Variants in RYR2 observed in about 807,000 individuals in gnomAD.
RYR2 encodes ryanodine receptor 2.
Under a neutral mutation model 601.1 loss-of-function variants are expected in RYR2, and 227 were observed. The observed-to-expected ratio is 0.38, with a 90% CI of 0.34 to 0.42. RYR2 has a LOEUF of 0.42. Ranked by LOEUF, RYR2 falls within the 10% of genes least tolerant of loss-of-function variation. The pLI is 1.00. For missense variants in RYR2, 4,646 were observed against 6,156.5 expected (o/e 0.75, Z 8.21); for synonymous variants, 2,223 against 2,175.1 (o/e 1.02, Z -0.61).
chr1:237,595,439 A>G, intron 33 of RYR2, 59 bp from the exon 34 acceptor site: 1 of 1,585,488 alleles, frequency 6.3e-7, no homozygotes, highest in South Asian at 1.2e-5. Context: ...TGCAAGATAT[A>G]CCTGCTTTCT....
intron 1 of RYR2, among the ~76,000 whole-genome samples, chr1:237,235,733 T>G (rs576332529): frequency 6.6e-6 from 1 of 152,330 alleles, no homozygotes; most frequent in East Asian, 1.9e-4. Context: ...GATAGATGCC[T>G]TCTCTTCATC....
intron 1 of RYR2, among the ~76,000 whole-genome samples, chr1:237,047,531 C>T (rs1458773430): frequency 6.6e-6 from 1 of 151,958 alleles, no homozygotes. Flanking sequence ...GTGGTCTTCT[C>T]CCACTGCTTG....
At chr1:237,286,003 T>G (rs1691520595) in intron 2 of RYR2, among the ~76,000 whole-genome samples, 1 of 152,190 alleles carries the variant, frequency 6.6e-6, no homozygotes. Context: ...TTGTATTTCT[T>G]TTCTTTCAAT....
chr1:237,655,834 A>G lies in RYR2; in HGVS notation c.7979A>G (p.Glu2660Gly). The change falls in exon 53 of 105, where the codon GAA (glutamate) becomes GGA (glycine). Residue 2660 changes from glutamate to glycine, a missense_variant. Physicochemically the swap from Glu to Gly is moderately conservative, Grantham distance 98. Transcript: ENST00000366574. ...DALSQKKYEQ[E>G]LFKLALPCLS... ...CATTTTTCCCAGAAATATGAACAAG[A>G]ACTTTTCAAACTGGCACTGCCTTGC... 6.3e-7 allele frequency: 1 copy of G among 1,596,904 alleles called. No homozygotes were observed. The highest frequency in any genetic ancestry group is 8.5e-7 in the Non-Finnish European group (1 of 1,172,308).
intron 1 of RYR2, among the ~76,000 whole-genome samples, chr1:237,223,581 C>T (rs2149151399): frequency 6.6e-6 from 1 of 152,214 alleles, no homozygotes; most frequent in East Asian, 1.9e-4. Context: ...TCTTGTGAGT[C>T]ACATGACAAA....
At chr1:237,056,621 ACTGCACCTGTGAGGACTGGAGTACTG>A (rs1172371769) in intron 1 of RYR2, among the ~76,000 whole-genome samples, 1 of 147,476 alleles carries the variant, frequency 6.8e-6, no homozygotes, top group Non-Finnish European at 1.5e-5. Flanking sequence ...GGACTGGAGC[ACTGCACCTGTGAGGACTGGAGTACTG>A]CAGCTATGAG....
At chr1:237,142,961 C>T (rs753042480) in intron 1 of RYR2, among the ~76,000 whole-genome samples, 2 of 152,034 alleles carry the variant, frequency 1.3e-5, no homozygotes, top group Non-Finnish European at 2.9e-5. Context: ...AAAAACTGGC[C>T]GGCTCTCAAT....
chr1:237,688,926 T>C (rs933987278), intron 63 of RYR2, among the ~76,000 whole-genome samples: 1 of 152,176 alleles, frequency 6.6e-6, no homozygotes, highest in Non-Finnish European at 1.5e-5. Context: ...TATAATTTCC[T>C]TTAAAATTTT....
chr1:237,083,784 C>G (rs184985781), intron 1 of RYR2, among the ~76,000 whole-genome samples: 9 of 152,130 alleles, frequency 5.9e-5, no homozygotes, highest in Admixed American at 5.9e-4. Context: ...ACTGAAATGG[C>G]GCTGAAAGAT....
intron 2 of RYR2, among the ~76,000 whole-genome samples, chr1:237,302,976 A>T (rs187460356): frequency 6.6e-6 from 1 of 152,160 alleles, no homozygotes; most frequent in South Asian, 2.1e-4. Flanking sequence ...CCATTCTTAC[A>T]TCTGCACTGG....
chr1:237,758,600 AT>A (rs1407672540), intron 82 of RYR2, among the ~76,000 whole-genome samples: 1 of 152,198 alleles, frequency 6.6e-6, no homozygotes, highest in Non-Finnish European at 1.5e-5. Context: ...GTGCATATGT[AT>A]CCTTTACATA....
intron 104 of RYR2, 64 bp from the exon 105 acceptor site, chr1:237,832,488 T>TGAA: frequency 9.5e-7 from 1 of 1,053,156 alleles, no homozygotes; most frequent in Non-Finnish European, 1.4e-6. Context: ...ATTGAGTTTC[T>TGAA]ACCTTATGTT....
chr1:237,776,912 G>T (rs1694709741), intron 87 of RYR2, among the ~76,000 whole-genome samples: 1 of 152,144 alleles, frequency 6.6e-6, no homozygotes, highest in South Asian at 2.1e-4. Context: ...CAAGCATCTG[G>T]TGGCCCCCAT....
intron 104 of RYR2, among the ~76,000 whole-genome samples, chr1:237,832,321 G>A (rs377607989): frequency 5.7e-4 from 86 of 151,888 alleles, no homozygotes; most frequent in African/African-American, 2.1e-3. Flanking sequence ...CAAAATGCTG[G>A]GATTATAGGC....
intron 8 of RYR2, among the ~76,000 whole-genome samples, chr1:237,383,631 G>A (rs189488296): frequency 2.8e-4 from 43 of 151,802 alleles, no homozygotes; most frequent in African/African-American, 8.2e-4. Context: ...GGGCTTCACC[G>A]TGTTGGCCAG....
chr1:237,240,771 C>G (rs1283960043), intron 1 of RYR2, among the ~76,000 whole-genome samples: 1 of 150,136 alleles, frequency 6.7e-6, no homozygotes, highest in African/African-American at 2.4e-5. Context: ...CCTTCCTACT[C>G]CAAGATTTCA....
In RYR2 at chr1:237,639,119, G is replaced by A. The variant is rs753156480; in HGVS notation, c.7033G>A (p.Ala2345Thr). 6.2e-7 allele frequency: 1 copy of A among 1,613,824 alleles called. No homozygotes were observed. The highest frequency in any genetic ancestry group is 1.1e-5 in the South Asian group (1 of 91,062). Residue 2345 changes from alanine to threonine, a missense_variant, in exon 46 of 105, where the codon GCA becomes ACA. Physicochemically the swap from Ala to Thr is moderately conservative, Grantham distance 58 (BLOSUM62 0). Transcript: ENST00000366574. Reference protein sequence around the residue: ...LRGEGGNGLLAAMEEAIKIAE... With the variant: ...LRGEGGNGLLTAMEEAIKIAE... ...AGGAGAAGGTGGGAATGGGCTTCTT[G>A]CAGCAATGGAAGAAGCCATCAAAAT...
chr1:237,156,895 G>T (rs1056187598), intron 1 of RYR2, among the ~76,000 whole-genome samples: 1 of 152,172 alleles, frequency 6.6e-6, no homozygotes, highest in African/African-American at 2.4e-5. Flanking sequence ...ATAGATGCTG[G>T]CAAGGAGGCA....
Position 237,798,150 on chromosome 1 carries a change from A to C in RYR2, c.14070A>C (p.Lys4690Asn). 1 of 1,612,776 alleles carries C rather than the reference A, an allele frequency of 6.2e-7. No individual in the cohort carries two copies. The stretch of plus-strand genomic sequence containing the variant: ...CCAGAGAAAAGAAGAAGCCAAAGAA[A>C]GACAGCTCCTTATCAGCTGTGTAAG... ...SDAREKKKPK[K>N]DSSLSAVLNS... The change falls in exon 97 of 105, where the codon AAA becomes AAC. Residue 4690 changes from lysine to asparagine, a missense_variant. This residue lies in a region of RYR2 where 76 missense variants were observed against 97.4 expected (regional missense o/e 0.78). Transcript: ENST00000366574.
Sources: allele counts gnomAD v4.1 joint callset (sites outside exome capture counted in the v4.1 genomes callset), GRCh38; gene constraint gnomAD v4.1.1; regional missense constraint gnomAD v4.1.1; transcripts MANE v1.5; gene names NCBI Gene and HGNC (gene_info 2026-07-23, HGNC 2026-07-21).